Variants in TULP4 observed in about 807,000 individuals in gnomAD.
The protein encoded by TULP4 is tubby-related protein 4.
Under a neutral mutation model 129.0 loss-of-function variants are expected in TULP4, and 16 were observed. That is an observed-to-expected ratio of 0.12 (90% CI 0.08 to 0.19). The LOEUF is 0.19. TULP4 is among the 10% of genes least tolerant of loss of function. The pLI is 1.00. For missense variants in TULP4, 1,842 were observed against 2,059.1 expected (o/e 0.89, Z 2.04); for synonymous variants, 998 against 854.0 (o/e 1.17, Z -2.94).
intron 1 of TULP4, among the ~76,000 whole-genome samples, chr6:158,372,968 CTT>C (rs1777104200): frequency 6.6e-6 from 1 of 152,178 alleles, no homozygotes; most frequent in Non-Finnish European, 1.5e-5. Context: ...GTAATGGAAA[CTT>C]TTAGCATTGT....
At chr6:158,419,563 T>C (rs1228408844) in intron 2 of TULP4, among the ~76,000 whole-genome samples, 7 of 152,198 alleles carry the variant, frequency 4.6e-5, no homozygotes, top group African/African-American at 1.7e-4. Flanking sequence ...TGTAAAAATC[T>C]AGATAACAGT....
chr6:158,449,585 C>A (rs758077633), intron 4 of TULP4, among the ~76,000 whole-genome samples: 1 of 152,128 alleles, frequency 6.6e-6, no homozygotes, highest in Admixed American at 6.5e-5. Flanking sequence ...TATTAAAGCC[C>A]GCGGCTTTAG....
In TULP4 at chr6:158,503,354, T is replaced by C; in HGVS notation, c.3691T>C (p.Tyr1231His). Residue 1231 changes from tyrosine (Y) to histidine (H), a missense_variant, in exon 13 of 14, where the codon TAC (tyrosine) becomes CAC (histidine). Around this residue, in one of 5 missense-constraint regions of TULP4, gnomAD observed 1,089 missense variants for 987.1 expected, o/e 1.10. Transcript: ENST00000367097. The surrounding 1 kb of genome is among the most constrained non-coding windows in gnomAD (Gnocchi z 4.3). Reference sequence around the variant, plus strand: ...GCCTGCTGTGGTCCTTCAGCCGCTGTACCCACCCAGCCTCTCCTATTGCAC... The same window carrying C: ...GCCTGCTGTGGTCCTTCAGCCGCTGCACCCACCCAGCCTCTCCTATTGCAC... ...QEPAVVLQPLYPPSLSYCTLP... is the reference protein window; with the variant it reads ...QEPAVVLQPLHPPSLSYCTLP... 2.5e-6 allele frequency: 4 copies of C among 1,613,732 alleles called. No homozygotes were observed. Among genetic ancestry groups the C allele is most frequent in the Non-Finnish European group, 3.4e-6 (4 of 1,179,984 alleles).
At chr6:158,263,260 A>C (rs966831879) in intron 1 of TULP4, among the ~76,000 whole-genome samples, 1 of 152,258 alleles carries the variant, frequency 6.6e-6, no homozygotes, top group Admixed American at 6.5e-5. Flanking sequence ...ACTTGACTGA[A>C]GCACTAATTA....
Position 158,252,090 on chromosome 6 carries a change from T to C in TULP4, n.68+19787T>C, listed in dbSNP as rs556637662. Among the ~76,000 whole-genome samples the C allele has an allele frequency of 4.6e-5, 7 of 152,338 alleles. No individual in the cohort carries two copies. The East Asian group carries it at 1.3e-3, about 29-fold the overall frequency. On this transcript the variant is annotated intron_variant and non_coding_transcript_variant, in intron 1 of 1. Coordinates refer to the TULP4 transcript ENST00000620026. ...GGTTTTGAAATGTGTGAAGCAGTTG[T>C]AGCAGATAGAGCATCTAGGCCTGTA...
chr6:158,237,609 T>G, intron 1 of TULP4: 7 of 1,454,458 alleles, frequency 4.8e-6, no homozygotes, highest in Non-Finnish European at 6.7e-6. Context: ...AAGAACATTC[T>G]TGCATTGGCA....
rs1427620142 is a variant in TULP4, at chr6:158,507,660, CCTTTTA to C, written c.*972_*977del. 1 of 152,150 alleles carries C rather than the reference CCTTTTA, an allele frequency of 6.6e-6. No individual in the cohort carries two copies. The highest frequency in any genetic ancestry group is 2.4e-5 in the African/African-American group (1 of 41,418). 9.4% of individuals were successfully genotyped at this position (152,150 alleles called of 1,614,324 possible). A position where few individuals can be genotyped will look rare whatever the true frequency, so the allele number is the denominator to read the frequency against. ...AGAAACAGCCTCTACTCTCTCTGCC[CCTTTTA>C]CTTTTTAATCTGGAATGCATTACTG... is the stretch of plus-strand genomic sequence containing the variant. On this transcript the variant is annotated 3_prime_UTR_variant, in exon 14 of 14. Coordinates refer to ENST00000367097, the MANE Select transcript of TULP4 (RefSeq NM_020245.5).
upstream of TULP4, among the ~76,000 whole-genome samples, chr6:158,279,605 G>A (rs987499430): frequency 6.6e-6 from 1 of 152,116 alleles, no homozygotes; most frequent in African/African-American, 2.4e-5. Flanking sequence ...CTTCATCTGT[G>A]TTTAATATCT....
rs530615432 is a variant in TULP4, at chr6:158,365,869, G to A, written c.253-47196G>A. 6.6e-5 allele frequency among the ~76,000 whole-genome samples: 8 copies of A among 121,774 alleles called. No individual in the cohort carries two copies. The East Asian group carries it at 1.2e-3, about 18-fold the overall frequency. 79.9% of individuals were successfully genotyped at this position (121,774 alleles called of 152,430 possible). A position where few individuals can be genotyped will look rare whatever the true frequency, so the allele number is the denominator to read the frequency against. The stretch of plus-strand genomic sequence containing the variant: ...TGTTTTGATGGTTGAGTTTTGGTTC[G>A]TTTTTCTTTTTTTTTTTTTCTTTTT... On this transcript the variant is annotated intron_variant, in intron 1 of 13. Coordinates refer to ENST00000367097, the MANE Select transcript of TULP4 (RefSeq NM_020245.5).
At position 158,511,550 on chromosome 6, in the gene TULP4, C is replaced by G. The variant is rs1043892755; in HGVS notation, c.*4856C>G. 2.0e-5 allele frequency: 3 copies of G among 152,614 alleles called. No individual in the cohort carries two copies. Among genetic ancestry groups the G allele is most frequent in the Admixed American group, 6.5e-5 (1 of 15,278 alleles). 9.5% of individuals were successfully genotyped at this position (152,614 alleles called of 1,614,324 possible). ...TTTGTTTGTTTTTTAATTCAGCATCCTGCTGGTTTTACTTTCCAAGCAAGA... is the reference window on the plus strand; with the variant it reads ...TTTGTTTGTTTTTTAATTCAGCATCGTGCTGGTTTTACTTTCCAAGCAAGA... On this transcript the variant is annotated 3_prime_UTR_variant, in exon 14 of 14. Transcript: ENST00000367097.
intron 1 of TULP4, among the ~76,000 whole-genome samples, chr6:158,253,660 C>T (rs775166709): frequency 5.9e-5 from 9 of 152,020 alleles, no homozygotes; most frequent in Non-Finnish European, 1.3e-4. Flanking sequence ...ATAATCTCCC[C>T]TCTTTCTAAC....
chr6:158,480,005 C>T (rs766674637), intron 7 of TULP4, 30 bp downstream of exon 7: 3 of 1,529,424 alleles, frequency 2.0e-6, no homozygotes, highest in East Asian at 2.3e-5. Flanking sequence ...CCTCTTCCTC[C>T]TCCCTCACCT....
At chr6:158,384,344 G>A (rs560786795) in intron 1 of TULP4, among the ~76,000 whole-genome samples, 5 of 150,204 alleles carry the variant, frequency 3.3e-5, no homozygotes, top group Admixed American at 3.3e-4. Flanking sequence ...CTGGAGTGCA[G>A]TGGCACTATT....
At chr6:158,309,080 C>G (rs1779282942), upstream of TULP4, among the ~76,000 whole-genome samples, 1 of 115,308 alleles carries the variant, frequency 8.7e-6, no homozygotes, top group Non-Finnish European at 1.9e-5. Context: ...CGGAGACGCT[C>G]CTCACTTCCC....
At chr6:158,364,289 G>A (rs1208940001) in intron 1 of TULP4, among the ~76,000 whole-genome samples, 1 of 152,212 alleles carries the variant, frequency 6.6e-6, no homozygotes, top group Non-Finnish European at 1.5e-5. Context: ...AGAGGAAAGA[G>A]TACTAACTTG....
intron 1 of TULP4, among the ~76,000 whole-genome samples, chr6:158,330,027 A>T (rs1381191403): frequency 2.6e-5 from 1 of 38,018 alleles, no homozygotes; most frequent in Admixed American, 4.2e-4. Flanking sequence ...TAGACACATT[A>T]AAAGTAAAAA....
intron 1 of TULP4, among the ~76,000 whole-genome samples, chr6:158,253,261 C>A (rs1002474974): frequency 7.9e-5 from 12 of 152,216 alleles, no homozygotes; most frequent in Admixed American, 7.9e-4. Context: ...TATTCCTATA[C>A]ATCACCCTCC....
intron 1 of TULP4, among the ~76,000 whole-genome samples, chr6:158,376,130 C>T (rs1431803613): frequency 1.3e-5 from 2 of 152,234 alleles, no homozygotes; most frequent in Admixed American, 6.5e-5. Flanking sequence ...CACCTCCTCT[C>T]ACCTGCCTCC....
At chr6:158,479,502 A>G (rs916361755) in intron 6 of TULP4, among the ~76,000 whole-genome samples, 11 of 152,020 alleles carry the variant, frequency 7.2e-5, no homozygotes, top group African/African-American at 1.9e-4. Flanking sequence ...GCCTCATGCA[A>G]TCTTCCCACC....
Sources: gnomAD v4.1 joint callset for allele counts (sites outside exome capture counted in the v4.1 genomes callset) on GRCh38, gnomAD v4.1.1 for gene constraint, gnomAD v4.1.1 regional missense constraint, Gnocchi (gnomAD v3.1) non-coding constraint, MANE v1.5 for transcripts, NCBI Gene and HGNC (gene_info 2026-07-23, HGNC 2026-07-21) for gene names.